Variants in TAF1B observed in about 807,000 individuals in gnomAD.
The protein encoded by TAF1B is TATA-box binding protein associated factor, RNA polymerase I subunit B, also known as TATA box-binding protein-associated factor RNA polymerase I subunit B.
In TAF1B, 61 loss-of-function variants were observed where a neutral mutation model predicts 83.9. The observed-to-expected ratio is 0.73, with a 90% CI of 0.59 to 0.90. The LOEUF is 0.90. Ranked by LOEUF, TAF1B falls within the 40% of genes least tolerant of loss-of-function variation. TAF1B has a pLI of 0.00. For synonymous variants in TAF1B, 221 were observed against 224.6 expected, an observed-to-expected ratio of 0.98 and a Z score of 0.14; for missense variants, 625 against 677.0, an observed-to-expected ratio of 0.92 and a Z score of 0.85.
intron 8 of TAF1B, among the ~76,000 whole-genome samples, chr2:9,891,519 T>G (rs1664874041): frequency 1.3e-5 from 2 of 152,208 alleles, no homozygotes; most frequent in South Asian, 4.1e-4. Context: ...ACTGTTACTG[T>G]TACTGGTTTA....
chr2:9,865,579 G>C (rs146800154), intron 5 of TAF1B, among the ~76,000 whole-genome samples: 8 of 152,174 alleles, frequency 5.3e-5, no homozygotes, highest in African/African-American at 1.7e-4. Context: ...TCGCAGAATT[G>C]GAAAAAACTA....
Position 9,843,545 on chromosome 2 carries a change from G to C in TAF1B, c.4G>C (p.Asp2His). The change falls in exon 1 of 15, where the codon GAC (aspartate) becomes CAC (histidine). Residue 2 changes from aspartate (D) to histidine (H), a missense_variant. Physicochemically the swap from Asp to His is moderately conservative, Grantham distance 81 (BLOSUM62 -1). Transcript: ENST00000263663. M[D>H]LEEAEEFKER... Reference sequence around the variant, plus strand: ...TGGAAGCTCCCGCGGCGCCGCGATGGACCTCGAGGAGGCGGTAAGGAGGCG... The same window carrying C: ...TGGAAGCTCCCGCGGCGCCGCGATGCACCTCGAGGAGGCGGTAAGGAGGCG... The C allele has an allele frequency of 6.5e-7, 1 of 1,527,064 alleles. No homozygotes were observed. The allele number at this position is 1,527,064 out of a possible 1,614,324, so 94.6% of individuals were successfully genotyped here.
chr2:9,884,357 G>A (rs1664605926), intron 8 of TAF1B, among the ~76,000 whole-genome samples: 1 of 152,226 alleles, frequency 6.6e-6, no homozygotes, highest in South Asian at 2.1e-4. Flanking sequence ...CCCACAACAT[G>A]GCGAGCAAGG....
rs550168530 is a variant in TAF1B at position 9,854,533 on chromosome 2, A to C, written c.399+112A>C. 80 of 736,692 alleles carry C rather than the reference A, an allele frequency of 1.1e-4. No homozygotes were observed. In the African/African-American group the frequency reaches 1.2e-3, roughly 11 times the overall value. 45.6% of individuals were successfully genotyped at this position (736,692 alleles called of 1,614,324 possible). A position where few individuals can be genotyped will look rare whatever the true frequency, so the allele number is the denominator to read the frequency against. ...CTGAGATTATGATGCTTGTCAGAGGATTTTCAGTTAAGAGGCTTCTGTTAC... is the reference window on the plus strand; with the variant it reads ...CTGAGATTATGATGCTTGTCAGAGGCTTTTCAGTTAAGAGGCTTCTGTTAC... On this transcript the variant is annotated intron_variant, in intron 5 of 14. Coordinates refer to ENST00000263663, the MANE Select transcript of TAF1B (RefSeq NM_005680.3).
rs553593701 is a variant in TAF1B, at chr2:9,897,550, T to C, written c.808-7309T>C. Among the ~76,000 whole-genome samples, 79 of 152,296 alleles carry C rather than the reference T, an allele frequency of 5.2e-4. 1 individual carries two copies. The highest frequency in any genetic ancestry group is 1.8e-3 in the African/African-American group (73 of 41,580). Reference sequence around the variant, plus strand: ...CCTGAATGAGTAAAAAGAAAAGATGTAATACTGGGTCAGCCAAACCCACTG... The same window carrying C: ...CCTGAATGAGTAAAAAGAAAAGATGCAATACTGGGTCAGCCAAACCCACTG... On this transcript the variant is annotated intron_variant, in intron 8 of 14. Transcript: ENST00000263663.
chr2:9,878,180 A>G (rs1023743609), intron 7 of TAF1B, among the ~76,000 whole-genome samples: 13 of 149,908 alleles, frequency 8.7e-5, no homozygotes, highest in Non-Finnish European at 1.6e-4. Context: ...GGACCTGATA[A>G]TCTCTGCTTT....
intron 6 of TAF1B, among the ~76,000 whole-genome samples, 187 bp from the exon 7 acceptor site, chr2:9,875,678 A>G (rs1255454319): frequency 6.6e-6 from 1 of 152,168 alleles, no homozygotes; most frequent in African/African-American, 2.4e-5. Context: ...CCATGATTCA[A>G]TTACTTTCCC....
chr2:9,856,924 T>G lies in TAF1B; in HGVS notation c.399+2503T>G, dbSNP rs115991837. 4.0e-3 allele frequency among the ~76,000 whole-genome samples: 609 copies of G among 152,356 alleles called. 3 individuals are homozygous for G. Among genetic ancestry groups the G allele is most frequent in the African/African-American group, 0.014 (567 of 41,580 alleles). On this transcript the variant is annotated intron_variant, in intron 5 of 14. Coordinates refer to ENST00000263663, the MANE Select transcript of TAF1B (RefSeq NM_005680.3). ...GCATAGTTTTCTCAAGTATATCCAT[T>G]AAATATTTCCTTAGTGCTTTGGAGA...
chr2:9,876,326 T>C (rs1382425922), intron 7 of TAF1B, among the ~76,000 whole-genome samples: 3 of 151,846 alleles, frequency 2.0e-5, no homozygotes, highest in Non-Finnish European at 4.4e-5. Flanking sequence ...TTAGTAAATA[T>C]TTTTCATTTC....
chr2:9,865,556 C>A (rs1663943338), intron 5 of TAF1B, among the ~76,000 whole-genome samples: 1 of 152,142 alleles, frequency 6.6e-6, no homozygotes, highest in South Asian at 2.1e-4. Context: ...CATCAAGCTA[C>A]CAATGACTTT....
intron 3 of TAF1B, 32 bp downstream of exon 3, chr2:9,849,492 C>G: frequency 2.8e-6 from 4 of 1,429,866 alleles, no homozygotes; most frequent in Non-Finnish European, 2.8e-6. Flanking sequence ...ACTTAACATT[C>G]TTTATTCACA....
chr2:9,933,661 G>A, intron 14 of TAF1B, 122 bp from the exon 15 acceptor site: 1 of 750,890 alleles, frequency 1.3e-6, no homozygotes, highest in Non-Finnish European at 2.1e-6. Context: ...TCCAGCTCAG[G>A]GTCCTGTTTT....
At chr2:9,855,515 C>T (rs1240584867) in intron 5 of TAF1B, among the ~76,000 whole-genome samples, 2 of 151,968 alleles carry the variant, frequency 1.3e-5, no homozygotes, top group Non-Finnish European at 2.9e-5. Context: ...CCCAACTCTA[C>T]AAAAAATTAA....
rs1443495524 is a variant in TAF1B, at chr2:9,843,554, G to T, written c.13G>T (p.Glu5Ter). 1 of 1,529,618 alleles carries T rather than the reference G, an allele frequency of 6.5e-7. No homozygotes were observed. Among genetic ancestry groups the T allele is most frequent in the Non-Finnish European group, 8.8e-7 (1 of 1,136,280 alleles). 94.8% of individuals were successfully genotyped at this position (1,529,618 alleles called of 1,614,324 possible). MDLE[E>*]AEEFKERCTQ... is the part of the protein sequence containing the mutation. ...CCGCGGCGCCGCGATGGACCTCGAG[G>T]AGGCGGTAAGGAGGCGGTGCACCTG... Residue 5 changes from glutamate to a stop codon, truncating the protein, a stop_gained, in exon 1 of 15, where the codon GAG becomes TAG. Coordinates refer to ENST00000263663, the MANE Select transcript of TAF1B (RefSeq NM_005680.3). LOFTEE classifies it high-confidence loss of function.
At chr2:9,871,579 A>T (rs1251161200) in intron 6 of TAF1B, among the ~76,000 whole-genome samples, 1 of 152,190 alleles carries the variant, frequency 6.6e-6, no homozygotes, top group Non-Finnish European at 1.5e-5. Context: ...AAAGGCTTCA[A>T]ATGTTTAGTG....
chr2:9,893,530 A>G (rs1379789954), intron 8 of TAF1B, among the ~76,000 whole-genome samples: 1 of 152,192 alleles, frequency 6.6e-6, no homozygotes, highest in African/African-American at 2.4e-5. Context: ...AGAGTGTGAA[A>G]GGCAAAGCTC....
rs372445625 is a variant in TAF1B, at chr2:9,854,268, C to G, written c.304-58C>G. On this transcript the variant is annotated intron_variant, in intron 4 of 14. Transcript: ENST00000263663. ...ACAAGAGAGCTGTGGTGTAGATGTG[C>G]CTGTACATTTGTTGTCATAACCTGA... The G allele has an allele frequency of 1.9e-4, 220 of 1,154,020 alleles. 1 individual carries two copies. The highest frequency in any genetic ancestry group is 1.8e-4 in the Non-Finnish European group (140 of 765,450). The allele number at this position is 1,154,020 out of a possible 1,614,324, so 71.5% of individuals were successfully genotyped here.
chr2:9,934,111 C>T lies in TAF1B; in HGVS notation c.*127C>T. ...ATGTATAGACTCTGACACATATTTA[C>T]ATATATATCAAGTGTGCTTAGAAAA... is the stretch of plus-strand genomic sequence containing the variant. On this transcript the variant is annotated 3_prime_UTR_variant, in exon 15 of 15. Coordinates refer to ENST00000263663, the MANE Select transcript of TAF1B (RefSeq NM_005680.3). 1.4e-6 allele frequency: 1 copy of T among 737,958 alleles called. No homozygotes were observed. 45.7% of individuals were successfully genotyped at this position (737,958 alleles called of 1,614,324 possible). A position where few individuals can be genotyped will look rare whatever the true frequency, so the allele number is the denominator to read the frequency against.
rs1282891904 is a variant in TAF1B at position 9,849,378 on chromosome 2, T to C, written c.123T>C (p.Tyr41=). 45 of 1,596,572 alleles carry C rather than the reference T, an allele frequency of 2.8e-5. No individual in the cohort carries two copies. The highest frequency in any genetic ancestry group is 3.8e-5 in the Non-Finnish European group (45 of 1,171,512). Residue 41 remains tyrosine, a synonymous_variant, in exon 3 of 15, where the codon TAT becomes TAC. Coordinates refer to ENST00000263663, the MANE Select transcript of TAF1B (RefSeq NM_005680.3). ...CTSCHNVTER[Y]QEVTNTDLIP... The stretch of plus-strand genomic sequence containing the variant: ...TCTTTTTCTCTTTCCTGCAGAGATA[T>C]CAGGAAGTTACAAACACTGATCTTA...
Sources: allele counts gnomAD v4.1 joint callset (sites outside exome capture counted in the v4.1 genomes callset), GRCh38; gene constraint gnomAD v4.1.1; transcripts MANE v1.5; gene names NCBI Gene and HGNC (gene_info 2026-07-23, HGNC 2026-07-21).